HDAC9: variants seen among roughly 807,000 people sequenced by gnomAD.
HDAC9 encodes the protein MEF-2 interacting transcription repressor (MITR) protein.
Under a neutral mutation model 139.4 loss-of-function variants are expected in HDAC9, and 41 were observed. The observed-to-expected ratio is 0.29, with a 90% confidence interval of 0.23 to 0.38. HDAC9 has a LOEUF of 0.38. HDAC9 is among the 10% of genes least tolerant of loss of function. HDAC9 has a pLI of 1.00. For synonymous variants in HDAC9, 517 were observed against 476.2 expected, an observed-to-expected ratio of 1.09 and a Z score of -1.12; for missense variants, 1,147 against 1,297.0, an observed-to-expected ratio of 0.88 and a Z score of 1.78.
chr7:18,847,696 T>C (rs1797003152), intron 21 of HDAC9, among the ~76,000 whole-genome samples: 1 of 152,218 alleles, frequency 6.6e-6, no homozygotes, highest in East Asian at 1.9e-4. Flanking sequence ...AGTCTCCCCC[T>C]GAGGGGTCAG....
At chr7:18,227,127 T>C (rs1300918419) in intron 2 of HDAC9, among the ~76,000 whole-genome samples, 2 of 152,198 alleles carry the variant, frequency 1.3e-5, no homozygotes, top group East Asian at 1.9e-4. Flanking sequence ...CATAAGTCTT[T>C]CTGTGAATGC....
rs1243195735 is a variant in HDAC9 at position 18,735,991 on chromosome 7, T to C, written c.1909+8234T>C. Reference sequence around the variant, plus strand: ...ATTTCTAGGTATTTTATTCTCTTTGTAGTAATTGTGAATGGGAGTTCACTC... The same window carrying C: ...ATTTCTAGGTATTTTATTCTCTTTGCAGTAATTGTGAATGGGAGTTCACTC... On this transcript the variant is annotated intron_variant, in intron 13 of 25. Transcript: ENST00000686413. Among the ~76,000 whole-genome samples the C allele has an allele frequency of 2.0e-5, 3 of 152,264 alleles. No individual in the cohort carries two copies. The East Asian group carries it at 5.8e-4, about 29-fold the overall frequency.
intron 25 of HDAC9, among the ~76,000 whole-genome samples, chr7:18,993,927 A>G (rs182336189): frequency 6.6e-6 from 1 of 152,362 alleles, no homozygotes; most frequent in Admixed American, 6.5e-5. Flanking sequence ...TCAATATAAA[A>G]TGATTTCAAA....
intron 1 of HDAC9, among the ~76,000 whole-genome samples, chr7:18,356,999 T>C (rs891901785): frequency 1.3e-5 from 2 of 152,164 alleles, no homozygotes; most frequent in Non-Finnish European, 2.9e-5. Flanking sequence ...CATTAAGGTA[T>C]ATACTGAAAG....
intron 2 of HDAC9, among the ~76,000 whole-genome samples, chr7:18,272,549 T>G (rs1027153290): frequency 6.6e-6 from 1 of 152,118 alleles, no homozygotes; most frequent in Non-Finnish European, 1.5e-5. Flanking sequence ...CAAAATGCAA[T>G]GGAAGCTGTC....
At chr7:18,638,002 ATAG>A (rs1784430186) in intron 8 of HDAC9, among the ~76,000 whole-genome samples, 1 of 152,120 alleles carries the variant, frequency 6.6e-6, no homozygotes, top group Non-Finnish European at 1.5e-5. Context: ...CCTAAGATTG[ATAG>A]TAGTACGGGA....
intron 23 of HDAC9, among the ~76,000 whole-genome samples, chr7:18,946,122 A>G (rs1782388197): frequency 6.7e-6 from 1 of 148,480 alleles, no homozygotes. Flanking sequence ...ATCCATGTAT[A>G]CATGGAGAGT....
intron 2 of HDAC9, among the ~76,000 whole-genome samples, chr7:18,264,509 A>G (rs1160419954): frequency 6.6e-6 from 1 of 152,230 alleles, no homozygotes; most frequent in African/African-American, 2.4e-5. Context: ...ATTATGGCTT[A>G]AAAATAATTT....
chr7:18,217,176 A>G (rs1034265279), intron 2 of HDAC9, among the ~76,000 whole-genome samples: 1 of 152,056 alleles, frequency 6.6e-6, no homozygotes, highest in Non-Finnish European at 1.5e-5. Flanking sequence ...TTTTAATTTT[A>G]TTGAACTATT....
At chr7:18,295,741 G>A (rs1001626019) in intron 1 of HDAC9, among the ~76,000 whole-genome samples, 3 of 152,056 alleles carry the variant, frequency 2.0e-5, no homozygotes, top group South Asian at 2.1e-4. Context: ...GTTCTCAACC[G>A]GGGGCAGTTT....
At chr7:18,621,951 T>C (rs755453305) in intron 6 of HDAC9, among the ~76,000 whole-genome samples, 9 of 152,236 alleles carry the variant, frequency 5.9e-5, no homozygotes, top group African/African-American at 2.2e-4. Flanking sequence ...ATTTCTACAA[T>C]GCCAGCCTGG....
chr7:18,241,628 A>C (rs1374592523), intron 2 of HDAC9, among the ~76,000 whole-genome samples: 3 of 152,218 alleles, frequency 2.0e-5, no homozygotes, highest in Non-Finnish European at 2.9e-5. Context: ...GAAAAGCCCA[A>C]GTCAACAACA....
At chr7:18,375,280 A>T (rs1365294015) in intron 1 of HDAC9, among the ~76,000 whole-genome samples, 2 of 151,956 alleles carry the variant, frequency 1.3e-5, no homozygotes, top group East Asian at 3.9e-4. Context: ...GACCAGCCTG[A>T]CCAACATGGT....
upstream of HDAC9, among the ~76,000 whole-genome samples, chr7:18,288,857 A>G (rs544073475): frequency 2.6e-5 from 4 of 152,106 alleles, no homozygotes; most frequent in East Asian, 7.7e-4. Context: ...GAGAGGGGCA[A>G]GTAGGTGTGT....
chr7:18,974,832 G>A (rs1784455604), intron 24 of HDAC9, among the ~76,000 whole-genome samples: 1 of 152,216 alleles, frequency 6.6e-6, no homozygotes, highest in Admixed American at 6.5e-5. Flanking sequence ...TGGGATGGCA[G>A]TGCTGGGTCC....
chr7:18,376,004 A>T (rs569676997), intron 1 of HDAC9, among the ~76,000 whole-genome samples: 1 of 152,344 alleles, frequency 6.6e-6, no homozygotes, highest in East Asian at 1.9e-4. Flanking sequence ...GATCATTAAA[A>T]CATGATTATT....
chr7:18,874,608 T>G lies in HDAC9; in HGVS notation c.2803+12T>G. ...AGTGACGGCAAAATGTAAGTACCTC[T>G]TTCAGGACTTTACGAAAGGCTCTGA... is the stretch of plus-strand genomic sequence containing the variant. On this transcript the variant is annotated intron_variant, in intron 22 of 25. Coordinates refer to ENST00000686413, the MANE Select transcript of HDAC9 (RefSeq NM_178425.4). 3.4e-6 allele frequency: 5 copies of G among 1,468,050 alleles called. No homozygotes were observed. Among genetic ancestry groups the G allele is most frequent in the Non-Finnish European group, 3.8e-6 (4 of 1,064,442 alleles). 90.9% of individuals were successfully genotyped at this position (1,468,050 alleles called of 1,614,324 possible).
At chr7:18,536,751 T>C (rs1453262271) in intron 2 of HDAC9, among the ~76,000 whole-genome samples, 5 of 152,144 alleles carry the variant, frequency 3.3e-5, no homozygotes, top group Non-Finnish European at 7.4e-5. Flanking sequence ...TTTAAGGAAA[T>C]AGGAGATTAT....
At chr7:18,953,482 A>G (rs1245212732) in intron 23 of HDAC9, among the ~76,000 whole-genome samples, 4 of 152,130 alleles carry the variant, frequency 2.6e-5, no homozygotes, top group Non-Finnish European at 4.4e-5. Flanking sequence ...TCTCCATGAA[A>G]AATTAGTGTA....
Sources: allele counts gnomAD v4.1 joint callset (sites outside exome capture counted in the v4.1 genomes callset), GRCh38; gene constraint gnomAD v4.1.1; transcripts MANE v1.5; gene names NCBI Gene and HGNC (gene_info 2026-07-23, HGNC 2026-07-21).